Variants in ZNF385D observed in about 807,000 individuals in gnomAD.
ZNF385D encodes zinc finger protein 385D, also known as zinc finger protein 659.
In ZNF385D, 15 loss-of-function variants were observed where a neutral mutation model predicts 35.8. The observed-to-expected ratio is 0.42, with a 90% confidence interval of 0.28 to 0.64. The LOEUF is 0.64. Ranked by LOEUF, ZNF385D falls within the 30% of genes least tolerant of loss-of-function variation. The pLI is 0.23. For missense variants in ZNF385D, 474 were observed against 494.6 expected (o/e 0.96, Z 0.39); for synonymous variants, 212 against 186.8 (o/e 1.13, Z -1.10).
chr3:22,235,236 G>A (rs1455250124), intron 2 of ZNF385D, among the ~76,000 whole-genome samples: 2 of 152,056 alleles, frequency 1.3e-5, no homozygotes, highest in East Asian at 1.9e-4. Context: ...TATCCATGAT[G>A]TGTCTTCTCA....
chr3:21,601,074 GTTC>G (rs1409707147), intron 2 of ZNF385D, among the ~76,000 whole-genome samples: 2 of 151,958 alleles, frequency 1.3e-5, no homozygotes, highest in Admixed American at 1.3e-4. Context: ...TAAAAATAAT[GTTC>G]TTTTTTCAAG....
chr3:21,907,946 A>G (rs1014377933), intron 3 of ZNF385D, among the ~76,000 whole-genome samples: 2 of 152,136 alleles, frequency 1.3e-5, no homozygotes, highest in Non-Finnish European at 2.9e-5. Flanking sequence ...TCATGGAAGG[A>G]TAAGCAAACT....
chr3:21,594,009 T>A (rs925321337), intron 2 of ZNF385D, among the ~76,000 whole-genome samples: 1 of 152,056 alleles, frequency 6.6e-6, no homozygotes, highest in African/African-American at 2.4e-5. Flanking sequence ...TTAAGGCAGT[T>A]TAACTACCAG....
At chr3:22,133,762 G>A (rs147856495) in intron 3 of ZNF385D, 4 of 151,838 alleles carry the variant, frequency 2.6e-5, no homozygotes, top group South Asian at 2.1e-4. Context: ...GAATGGCTTC[G>A]AAGCCATTCC....
intron 2 of ZNF385D, among the ~76,000 whole-genome samples, chr3:22,181,106 T>C (rs1322321505): frequency 2.0e-5 from 3 of 152,010 alleles, no homozygotes; most frequent in African/African-American, 4.8e-5. Flanking sequence ...CTGCAACCAG[T>C]TTTTCCATAA....
intron 2 of ZNF385D, among the ~76,000 whole-genome samples, chr3:22,204,333 A>G (rs1159817262): frequency 6.6e-6 from 1 of 152,032 alleles, no homozygotes; most frequent in African/African-American, 2.4e-5. Context: ...GTGACCAAGA[A>G]CTTGTATGAT....
In ZNF385D at chr3:21,826,821, TAAA is replaced by T. The variant is rs55642872; in HGVS notation, c.326-161796_326-161794del. ...GAGGGTTGATAAAGAATCAGAAAAT[TAAA>T]AAAAAAAAAAAAAAACTCTCCTGTA... On this transcript the variant is annotated intron_variant, in intron 3 of 5. Coordinates refer to the ZNF385D transcript ENST00000494108. Among the ~76,000 whole-genome samples the T allele has an allele frequency of 2.5e-3, 347 of 138,616 alleles. 2 individuals carry two copies. The highest frequency in any genetic ancestry group is 0.011 in the Middle Eastern group (3 of 280). The allele number at this position is 138,616 out of a possible 152,430, so 90.9% of individuals were successfully genotyped here. A position where few individuals can be genotyped will look rare whatever the true frequency, so the allele number is the denominator to read the frequency against.
chr3:22,297,268 G>A (rs1450408504), intron 2 of ZNF385D, among the ~76,000 whole-genome samples: 1 of 151,922 alleles, frequency 6.6e-6, no homozygotes. Context: ...TCATACATAT[G>A]TCTGAACACC....
chr3:21,558,243 T>G (rs2062812296), intron 3 of ZNF385D, among the ~76,000 whole-genome samples: 2 of 152,062 alleles, frequency 1.3e-5, no homozygotes, highest in Admixed American at 6.6e-5. Context: ...TTAATTGTGA[T>G]GTTAGGGTGT....
chr3:21,483,122 A>G (rs889497746), intron 4 of ZNF385D, among the ~76,000 whole-genome samples: 15 of 152,132 alleles, frequency 9.9e-5, no homozygotes, highest in African/African-American at 3.4e-4. Flanking sequence ...TTGCTCCAAA[A>G]AATAGTTATT....
chr3:22,032,152 G>A (rs1430231308), intron 3 of ZNF385D, among the ~76,000 whole-genome samples: 1 of 152,188 alleles, frequency 6.6e-6, no homozygotes, highest in African/African-American at 2.4e-5. Context: ...CATTCAACAA[G>A]TCTCTAGGAA....
At chr3:22,263,036 C>A (rs562288992) in intron 2 of ZNF385D, among the ~76,000 whole-genome samples, 29 of 152,120 alleles carry the variant, frequency 1.9e-4, no homozygotes, top group African/African-American at 7.0e-4. Flanking sequence ...ACATTTTCCA[C>A]CTCCAGTATC....
At chr3:21,990,573 T>C (rs1004545486) in intron 3 of ZNF385D, among the ~76,000 whole-genome samples, 15 of 152,242 alleles carry the variant, frequency 9.9e-5, no homozygotes, top group African/African-American at 3.6e-4. Flanking sequence ...ATTATATTTG[T>C]ACTTAATATA....
chr3:22,090,970 T>G (rs955584829), intron 3 of ZNF385D, among the ~76,000 whole-genome samples: 1 of 152,110 alleles, frequency 6.6e-6, no homozygotes, highest in Non-Finnish European at 1.5e-5. Context: ...ACAAAAAGAC[T>G]ACATGGCAAA....
intron 2 of ZNF385D, among the ~76,000 whole-genome samples, chr3:22,328,516 G>A (rs1694778494): frequency 6.6e-6 from 1 of 152,124 alleles, no homozygotes; most frequent in South Asian, 2.1e-4. Flanking sequence ...TCTAATCCCA[G>A]CACTTTGGGA....
At chr3:21,861,742 T>C (rs1280814460) in intron 3 of ZNF385D, among the ~76,000 whole-genome samples, 1 of 152,118 alleles carries the variant, frequency 6.6e-6, no homozygotes. Flanking sequence ...AGTATGAAAA[T>C]TTGGAGATGG....
At chr3:21,996,788 A>G (rs983201894) in intron 3 of ZNF385D, among the ~76,000 whole-genome samples, 1 of 152,204 alleles carries the variant, frequency 6.6e-6, no homozygotes, top group Admixed American at 6.5e-5. Context: ...AGTTATGAAG[A>G]TGTCTATTCC....
chr3:22,118,191 C>G (rs2125658974), intron 3 of ZNF385D, among the ~76,000 whole-genome samples: 1 of 152,172 alleles, frequency 6.6e-6, no homozygotes, highest in African/African-American at 2.4e-5. Flanking sequence ...TTGCTAATGT[C>G]TCTCTTATTC....
intron 2 of ZNF385D, among the ~76,000 whole-genome samples, chr3:22,337,352 G>A (rs1373921445): frequency 6.6e-6 from 1 of 152,002 alleles, no homozygotes; most frequent in South Asian, 2.1e-4. Context: ...TGGACAACAG[G>A]GTGAAACCCT....
Sources: gnomAD v4.1 joint callset for allele counts (sites outside exome capture counted in the v4.1 genomes callset) on GRCh38, gnomAD v4.1.1 for gene constraint, MANE v1.5 for transcripts, NCBI Gene and HGNC (gene_info 2026-07-23, HGNC 2026-07-21) for gene names.